SSPN: variants seen among roughly 807,000 people sequenced by gnomAD.
The protein encoded by SSPN is sarcospan.
Under a neutral mutation model 19.1 loss-of-function variants are expected in SSPN, and 15 were observed. The observed-to-expected ratio is 0.78, with a 90% confidence interval of 0.52 to 1.21. The LOEUF (loss-of-function observed/expected upper bound fraction) is 1.21, where lower values mean the gene tolerates loss of function less well. Among genes scored for constraint, SSPN ranks in the 50% most tolerant of loss-of-function variants. The probability of loss-of-function intolerance (pLI) is 0.00; values close to 1 mark genes in which losing one functional copy is unlikely to be tolerated. For missense variants in SSPN, 291 were observed against 314.0 expected, an observed-to-expected ratio of 0.93 and a Z score of 0.55; for synonymous variants, 147 against 140.3, an observed-to-expected ratio of 1.05 and a Z score of -0.34.
At position 26,168,692 on chromosome 12, in the gene SSPN, C is replaced by T. The variant is rs191201907; in HGVS notation, c.-31+46540C>T. Reference sequence around the variant, plus strand: ...CGTGGAGGGGATGGCCATAATGCCACCACGGTTGTGATTCAGATATGAGAT... The same window carrying T: ...CGTGGAGGGGATGGCCATAATGCCATCACGGTTGTGATTCAGATATGAGAT... On this transcript the variant is annotated intron_variant, in intron 1 of 2. Coordinates refer to the SSPN transcript ENST00000538142. 1.4e-4 allele frequency among the ~76,000 whole-genome samples: 21 copies of T among 152,292 alleles called. No homozygotes were observed. The East Asian group carries it at 4.1e-3, about 29-fold the overall frequency.
rs999257424 is a variant in SSPN, at chr12:26,233,083, T to C, written c.*2007T>C. ...AAGTAGCAGTTAATGCTAGTAACCGTGAATTAGGCACCACTGAAAGCACAT... is the reference window on the plus strand; with the variant it reads ...AAGTAGCAGTTAATGCTAGTAACCGCGAATTAGGCACCACTGAAAGCACAT... On this transcript the variant is annotated 3_prime_UTR_variant, in exon 3 of 3. Coordinates refer to ENST00000242729, the MANE Select transcript of SSPN (RefSeq NM_005086.5). The surrounding 1 kb of genome is among the most constrained non-coding windows in gnomAD (Gnocchi z 4.3). 1 of 152,042 alleles carries C rather than the reference T, an allele frequency of 6.6e-6. No homozygotes were observed. The highest frequency in any genetic ancestry group is 1.5e-5 in the Non-Finnish European group (1 of 68,012). The allele number at this position is 152,042 out of a possible 1,614,324, so 9.4% of individuals were successfully genotyped here. A position where few individuals can be genotyped will look rare whatever the true frequency, so the allele number is the denominator to read the frequency against.
rs546500905 is a variant in SSPN, at chr12:26,158,883, A to G, written c.-31+36731A>G. Among the ~76,000 whole-genome samples the G allele has an allele frequency of 9.2e-5, 14 of 152,372 alleles. No individual in the cohort carries two copies. In the East Asian group the frequency reaches 1.9e-3, roughly 21 times the overall value. On this transcript the variant is annotated intron_variant, in intron 1 of 2. Coordinates refer to the SSPN transcript ENST00000538142. ...CTACCTGCTCTTGCCAGTAGAGCCC[A>G]TTGTGTGGTCAAGCTCAGAAGCACA... is the stretch of plus-strand genomic sequence containing the variant.
chr12:26,153,461 C>A (rs1944537791), intron 1 of SSPN, among the ~76,000 whole-genome samples: 1 of 152,102 alleles, frequency 6.6e-6, no homozygotes, highest in African/African-American at 2.4e-5. Context: ...ATTTGAGCTC[C>A]ATGAGAGCAG....
At chr12:26,227,722 C>T (rs61914487) in intron 2 of SSPN, among the ~76,000 whole-genome samples, 30,061 of 152,150 alleles carry the variant, frequency 0.2, 3,922 homozygotes, top group Admixed American at 0.35. Context: ...TCTTTTGATC[C>T]TTGTAATTAT....
At chr12:26,212,366 A>G (rs1455410928) in intron 1 of SSPN, among the ~76,000 whole-genome samples, 1 of 152,190 alleles carries the variant, frequency 6.6e-6, no homozygotes, top group African/African-American at 2.4e-5. Flanking sequence ...TAGATCCTGA[A>G]AGGAAATACT....
At position 26,130,078 on chromosome 12, in the gene SSPN, G is replaced by A. The variant is rs975738422; in HGVS notation, c.-31+7926G>A. On this transcript the variant is annotated intron_variant, in intron 1 of 2. Coordinates refer to the SSPN transcript ENST00000538142. ...ATTGAGGTGGATCCATAATGAGACC[G>A]GAAAAGTAGCATGAGGAGGAGATGA... 1.6e-4 allele frequency among the ~76,000 whole-genome samples: 25 copies of A among 152,206 alleles called. No individual in the cohort carries two copies. The East Asian group carries it at 2.7e-3, about 16-fold the overall frequency.
At chr12:26,150,010 A>G (rs997498949) in intron 1 of SSPN, among the ~76,000 whole-genome samples, 2 of 152,234 alleles carry the variant, frequency 1.3e-5, no homozygotes, top group African/African-American at 4.8e-5. Context: ...GTAGGAAGAA[A>G]CATGGGCACA....
intron 1 of SSPN, among the ~76,000 whole-genome samples, chr12:26,189,033 GT>G (rs1447678133): frequency 6.6e-6 from 1 of 151,460 alleles, no homozygotes; most frequent in African/African-American, 2.4e-5. Flanking sequence ...TTTTGTTTTT[GT>G]TTTTTTTAAT....
chr12:26,201,592 A>G (rs1944886121), intron 1 of SSPN, among the ~76,000 whole-genome samples: 2 of 150,976 alleles, frequency 1.3e-5, no homozygotes, highest in South Asian at 2.1e-4. Context: ...AATTGTCCCT[A>G]AATCTTCTTT....
chr12:26,223,884 C>T (rs569694895), intron 1 of SSPN, among the ~76,000 whole-genome samples: 68 of 152,298 alleles, frequency 4.5e-4, no homozygotes, highest in African/African-American at 1.6e-3. Flanking sequence ...CCTTTTATAT[C>T]GCCCAACTCA....
At chr12:26,149,107 A>G (rs1318437631) in intron 1 of SSPN, among the ~76,000 whole-genome samples, 2 of 152,244 alleles carry the variant, frequency 1.3e-5, no homozygotes, top group Non-Finnish European at 2.9e-5. Context: ...TAAATTGGTG[A>G]ATACAGAGCT....
At chr12:26,164,638 T>C (rs910281036) in intron 1 of SSPN, among the ~76,000 whole-genome samples, 2 of 152,250 alleles carry the variant, frequency 1.3e-5, no homozygotes, top group Non-Finnish European at 2.9e-5. Context: ...TTTATTTACT[T>C]CATTGTCAAA....
In SSPN at chr12:26,232,819, C is replaced by A; in HGVS notation, c.*1743C>A. 1 of 622,728 alleles carries A rather than the reference C, an allele frequency of 1.6e-6. No individual in the cohort carries two copies. The highest frequency in any genetic ancestry group is 2.0e-6 in the Non-Finnish European group (1 of 499,624). The allele number at this position is 622,728 out of a possible 1,614,324, so 38.6% of individuals were successfully genotyped here. On this transcript the variant is annotated 3_prime_UTR_variant, in exon 3 of 3. Coordinates refer to ENST00000242729, the MANE Select transcript of SSPN (RefSeq NM_005086.5). ...TACACATTAGCTCCAGCTAAAAAGACACATTGGAGAGCTTAGAGGATAAGT... is the reference window on the plus strand; with the variant it reads ...TACACATTAGCTCCAGCTAAAAAGAAACATTGGAGAGCTTAGAGGATAAGT...
At chr12:26,216,893 G>A (rs10437763) in intron 1 of SSPN, among the ~76,000 whole-genome samples, 2,072 of 60,974 alleles carry the variant, frequency 0.034, 3 homozygotes, top group Middle Eastern at 0.094. Context: ...GTAGATATGC[G>A]GCGTTATTTC....
chr12:26,222,351 A>T (rs1165038601), intron 1 of SSPN, among the ~76,000 whole-genome samples: 1 of 152,194 alleles, frequency 6.6e-6, no homozygotes, highest in Non-Finnish European at 1.5e-5. Flanking sequence ...CAGCTTATTG[A>T]TTATGTAACC....
At chr12:26,123,046 G>A in intron 1 of SSPN, 1 of 1,579,282 alleles carries the variant, frequency 6.3e-7, no homozygotes. Flanking sequence ...ACACACCGCG[G>A]CTCCCTGGGT....
At chr12:26,222,455 G>A (rs1945131993) in intron 1 of SSPN, among the ~76,000 whole-genome samples, 1 of 152,208 alleles carries the variant, frequency 6.6e-6, no homozygotes, top group Admixed American at 6.5e-5. Flanking sequence ...CTGGCCCTGG[G>A]GTAGGAAATA....
At chr12:26,195,537 T>C, upstream of SSPN, 2 of 1,254,016 alleles carry the variant, frequency 1.6e-6, no homozygotes, top group African/African-American at 3.1e-5. Flanking sequence ...GCTCGGTGAG[T>C]CGGCTCCAAA....
intron 1 of SSPN, among the ~76,000 whole-genome samples, chr12:26,141,407 G>GAA (rs1473244151): frequency 6.6e-6 from 1 of 152,170 alleles, no homozygotes; most frequent in Non-Finnish European, 1.5e-5. Flanking sequence ...AGCCCAATGA[G>GAA]AACCATGAAA....
Sources: gnomAD v4.1 joint callset for allele counts (sites outside exome capture counted in the v4.1 genomes callset) on GRCh38, gnomAD v4.1.1 for gene constraint, Gnocchi (gnomAD v3.1) non-coding constraint, MANE v1.5 for transcripts, NCBI Gene and HGNC (gene_info 2026-07-23, HGNC 2026-07-21) for gene names.